The following PLD5 variants were observed in gnomAD, a reference collection of about 807,000 sequenced individuals.
PLD5 encodes the protein phospholipase D family member 5.
Under a neutral mutation model 61.1 loss-of-function variants are expected in PLD5, and 36 were observed. The observed-to-expected ratio is 0.59, with a 90% CI of 0.45 to 0.78. The LOEUF is 0.78. PLD5 is among the 30% of genes least tolerant of loss of function. PLD5 has a pLI of 0.00. For missense variants in PLD5, 515 were observed against 644.4 expected (o/e 0.80, Z 2.17); for synonymous variants, 243 against 242.8 (o/e 1.00, Z -0.01).
chr1:242,504,774 T>A lies in PLD5; in HGVS notation c.189+19314A>T, dbSNP rs553192586. ...CATGATTTTCCCAAATATTTTTTTT[T>A]AAAAAAACTAATTTTTCTTATTATT... On this transcript the variant is annotated intron_variant, in intron 1 of 9. Coordinates refer to ENST00000536534, the MANE Select transcript of PLD5 (RefSeq NM_001372062.1). 8.9e-4 allele frequency among the ~76,000 whole-genome samples: 135 copies of A among 152,262 alleles called. 1 individual carries two copies. Among genetic ancestry groups the A allele is most frequent in the Middle Eastern group, 3.4e-3 (1 of 294 alleles).
At chr1:242,474,732 T>C (rs550090763) in intron 1 of PLD5, among the ~76,000 whole-genome samples, 1 of 152,264 alleles carries the variant, frequency 6.6e-6, no homozygotes, top group East Asian at 1.9e-4. Context: ...TTTATATCCA[T>C]AAATACTGTT....
chr1:242,109,268 G>A (rs574016192), intron 7 of PLD5, among the ~76,000 whole-genome samples: 48 of 152,256 alleles, frequency 3.2e-4, no homozygotes, highest in African/African-American at 1.0e-3. Flanking sequence ...ACTTGAGGTC[G>A]GGAGTTTGAG....
At chr1:242,325,721 CT>C (rs35305054) in intron 2 of PLD5, among the ~76,000 whole-genome samples, 1 of 151,968 alleles carries the variant, frequency 6.6e-6, no homozygotes, top group South Asian at 2.1e-4. Flanking sequence ...ACCTCGAGGG[CT>C]TTTTTTACCT....
chr1:242,470,649 A>G lies in PLD5; in HGVS notation c.189+53439T>C, dbSNP rs150878156. ...ACTTCCTATTATTACTATTAACACT[A>G]CAAATATCAATACTCGTGGTGATGA... On this transcript the variant is annotated intron_variant, in intron 1 of 9. Transcript: ENST00000536534. Among the ~76,000 whole-genome samples, 14 of 152,338 alleles carry G rather than the reference A, an allele frequency of 9.2e-5. No homozygotes were observed. In the East Asian group the frequency reaches 1.9e-3, roughly 21 times the overall value.
At chr1:242,166,091 T>G (rs1666284849) in intron 5 of PLD5, among the ~76,000 whole-genome samples, 1 of 152,220 alleles carries the variant, frequency 6.6e-6, no homozygotes, top group African/African-American at 2.4e-5. Context: ...TTGCACCATC[T>G]GAAGAACCAG....
intron 3 of PLD5, among the ~76,000 whole-genome samples, chr1:242,288,085 G>A (rs1401472879): frequency 2.6e-5 from 4 of 152,168 alleles, no homozygotes; most frequent in African/African-American, 7.2e-5. Flanking sequence ...TAAATAGCAC[G>A]CCCTGAAGTT....
chr1:242,525,737 C>T (rs1161882362), upstream of PLD5, among the ~76,000 whole-genome samples: 1 of 152,156 alleles, frequency 6.6e-6, no homozygotes, highest in East Asian at 1.9e-4. Context: ...CAGAACTGCC[C>T]TACTTGAATG....
chr1:242,253,631 C>T (rs1672846035), intron 4 of PLD5, among the ~76,000 whole-genome samples: 1 of 152,136 alleles, frequency 6.6e-6, no homozygotes, highest in Admixed American at 6.5e-5. Context: ...TCTTAAAGAA[C>T]ATCCTCCCCA....
chr1:242,192,614 T>C (rs1355296873), intron 5 of PLD5, among the ~76,000 whole-genome samples: 1 of 152,172 alleles, frequency 6.6e-6, no homozygotes, highest in Non-Finnish European at 1.5e-5. Context: ...AGGAAAAGGT[T>C]CCTAAGAAAC....
chr1:242,181,857 G>A (rs903117718), intron 5 of PLD5, among the ~76,000 whole-genome samples: 5 of 152,012 alleles, frequency 3.3e-5, no homozygotes, highest in East Asian at 1.9e-4. Context: ...TGGCCAGGAC[G>A]GTCTCGATCT....
intron 4 of PLD5, among the ~76,000 whole-genome samples, chr1:242,221,709 G>A (rs1670599253): frequency 6.6e-6 from 1 of 152,108 alleles, no homozygotes; most frequent in African/African-American, 2.4e-5. Context: ...AAAAAGAGTT[G>A]CAGATCCCAG....
chr1:242,100,182 G>T (rs911970044), intron 9 of PLD5, among the ~76,000 whole-genome samples: 10 of 152,184 alleles, frequency 6.6e-5, no homozygotes, highest in Non-Finnish European at 1.3e-4. Flanking sequence ...GAGGTTTGAA[G>T]AGCTCAAGTT....
chr1:242,149,742 A>G (rs1206722609), intron 5 of PLD5, among the ~76,000 whole-genome samples: 1 of 151,672 alleles, frequency 6.6e-6, no homozygotes, highest in Non-Finnish European at 1.5e-5. Context: ...TGTTTCATCT[A>G]AATCATCAAA....
At chr1:242,511,611 C>G (rs1190565356) in intron 1 of PLD5, among the ~76,000 whole-genome samples, 3 of 150,908 alleles carry the variant, frequency 2.0e-5, no homozygotes, top group South Asian at 2.1e-4. Flanking sequence ...CAGACATGCA[C>G]AAAATGAGGG....
the PLD5 span, among the ~76,000 whole-genome samples, chr1:242,529,800 T>TTCCTTCCTTCCTTCCTTCCTTCCC: frequency 6.7e-6 from 1 of 149,738 alleles, no homozygotes; most frequent in African/African-American, 2.5e-5. Flanking sequence ...CCTTCCTTCC[T>TTCCTTCCTTCCTTCCTTCCTTCCC]TCCTTCCTTC....
chr1:242,128,370 G>A (rs1662966717), intron 5 of PLD5, among the ~76,000 whole-genome samples: 1 of 151,476 alleles, frequency 6.6e-6, no homozygotes, highest in Non-Finnish European at 1.5e-5. Flanking sequence ...AGAAGTATTT[G>A]TCTGCTAATC....
intron 9 of PLD5, among the ~76,000 whole-genome samples, chr1:242,092,152 G>A (rs1040348099): frequency 2.0e-5 from 3 of 151,780 alleles, no homozygotes; most frequent in African/African-American, 4.8e-5. Context: ...TTAGAGGCAG[G>A]ATCTCTCTCT....
intron 5 of PLD5, among the ~76,000 whole-genome samples, chr1:242,155,979 G>GAA (rs1461130030): frequency 6.6e-6 from 1 of 152,170 alleles, no homozygotes; most frequent in Non-Finnish European, 1.5e-5. Flanking sequence ...TATTGTGTGG[G>GAA]AGTCTAAGTC....
At chr1:242,404,782 A>C (rs564748850) in intron 1 of PLD5, among the ~76,000 whole-genome samples, 1 of 150,992 alleles carries the variant, frequency 6.6e-6, no homozygotes, top group South Asian at 2.1e-4. Context: ...CAAACCCCTA[A>C]TATCTATGAC....
Sources: gnomAD v4.1 joint callset for allele counts (sites outside exome capture counted in the v4.1 genomes callset) on GRCh38, gnomAD v4.1.1 for gene constraint, MANE v1.5 for transcripts, NCBI Gene and HGNC (gene_info 2026-07-23, HGNC 2026-07-21) for gene names.